Variants in ZNF680 observed in about 807,000 individuals in gnomAD.
ZNF680 encodes the protein hypothetical protein FLJ90430.
Under a neutral mutation model 12.1 loss-of-function variants are expected in ZNF680, and 6 were observed. That is an observed-to-expected ratio of 0.49 (90% CI 0.27 to 0.98). The LOEUF (loss-of-function observed/expected upper bound fraction) is 0.98, where lower values mean the gene tolerates loss of function less well. Ranked by LOEUF, ZNF680 falls within the 50% of genes least tolerant of loss-of-function variation. ZNF680 has a pLI of 0.12. For missense variants in ZNF680, 561 were observed against 616.3 expected, an observed-to-expected ratio of 0.91 and a Z score of 0.95; for synonymous variants, 170 against 199.3, an observed-to-expected ratio of 0.85 and a Z score of 1.24.
the ZNF680 span, among the ~76,000 whole-genome samples, chr7:64,500,500 G>A: frequency 1.3e-5 from 2 of 152,216 alleles, no homozygotes; most frequent in African/African-American, 4.8e-5. Flanking sequence ...CAACATTGAT[G>A]AACCTGGAGG....
chr7:64,525,653 TA>T, intron 3 of ZNF680: 3 of 562,220 alleles, frequency 5.3e-6, no homozygotes, highest in Non-Finnish European at 6.8e-6. Flanking sequence ...AATAAACATT[TA>T]AAAATATTCT....
chr7:64,500,953 T>C, the ZNF680 span: 6 of 649,934 alleles, frequency 9.2e-6, no homozygotes, highest in South Asian at 7.3e-5. Flanking sequence ...GCAGCAAAAT[T>C]GTGGGTTGCT....
downstream of ZNF680, chr7:64,519,738 T>C (rs541523307): frequency 7.2e-5 from 11 of 151,922 alleles, no homozygotes; most frequent in African/African-American, 2.4e-4. Flanking sequence ...AGCATATTAG[T>C]TGAAATAAGC....
At chr7:64,539,329 C>A (rs1323284899) in intron 3 of ZNF680, among the ~76,000 whole-genome samples, 52 of 63,024 alleles carry the variant, frequency 8.3e-4, no homozygotes, top group African/African-American at 3.2e-3. Flanking sequence ...CCAGCCTGGG[C>A]AACAAGAGCA....
the ZNF680 span, among the ~76,000 whole-genome samples, chr7:64,510,045 CTT>C: frequency 1.6e-5 from 2 of 125,626 alleles, no homozygotes; most frequent in Non-Finnish European, 3.4e-5. Context: ...AAAAAAAAGA[CTT>C]ATATTCTCTT....
In ZNF680 at chr7:64,522,500, A is replaced by ATCTCTAAT; in HGVS notation, c.254-1_254insATTAGAGA (p.Val85AspfsTer2). 1 of 1,458,264 alleles carries ATCTCTAAT rather than the reference A, an allele frequency of 6.9e-7. No homozygotes were observed. The highest frequency in any genetic ancestry group is 2.4e-5 in the Admixed American group (1 of 42,534). 90.3% of individuals were successfully genotyped at this position (1,458,264 alleles called of 1,614,324 possible). ...GTCTTCAGTGAAATGAGAATATATA[A>ATCTCTAAT]CTGAAAGACATAAAAGTAACAAATT... On this transcript the variant is annotated stop_gained and frameshift_variant and splice_region_variant. Transcript: ENST00000309683. LOFTEE classifies it high-confidence loss of function.
In ZNF680 at chr7:64,527,238, CAAAT is replaced by C. The variant is rs575866645; in HGVS notation, c.254-4742_254-4739del. 1.8e-3 allele frequency among the ~76,000 whole-genome samples: 272 copies of C among 151,584 alleles called. 1 individual carries two copies. Among genetic ancestry groups the C allele is most frequent in the Non-Finnish European group, 3.1e-3 (211 of 67,908 alleles). On this transcript the variant is annotated intron_variant, in intron 3 of 3. Coordinates refer to ENST00000309683, the MANE Select transcript of ZNF680 (RefSeq NM_178558.5). ...GGGCAATAAGAGCAAGATTCTGTCT[CAAAT>C]AAATAAATAAATAAATAAACAAACA... is the stretch of plus-strand genomic sequence containing the variant.
chr7:64,527,838 G>A (rs1310837042), intron 3 of ZNF680, among the ~76,000 whole-genome samples: 4 of 152,206 alleles, frequency 2.6e-5, no homozygotes, highest in Non-Finnish European at 5.9e-5. Context: ...GGCGAACAAA[G>A]CAGTGTGTGA....
At chr7:64,557,283 G>A (rs1430337693) in intron 1 of ZNF680, among the ~76,000 whole-genome samples, 4 of 149,640 alleles carry the variant, frequency 2.7e-5, no homozygotes, top group African/African-American at 7.4e-5. Context: ...AAGGCCAGGC[G>A]CAGTGGTTCA....
chr7:64,537,169 T>C (rs1424065677), intron 3 of ZNF680, among the ~76,000 whole-genome samples: 1 of 152,032 alleles, frequency 6.6e-6, no homozygotes, highest in African/African-American at 2.4e-5. Flanking sequence ...AACGTAAAAT[T>C]GGCAAATCCA....
chr7:64,562,104 C>T (rs1407938393), intron 1 of ZNF680, among the ~76,000 whole-genome samples: 1 of 151,112 alleles, frequency 6.6e-6, no homozygotes, highest in Non-Finnish European at 1.5e-5. Context: ...TGGTGGCGGG[C>T]GCCTGTAATC....
chr7:64,508,802 C>G, the ZNF680 span, among the ~76,000 whole-genome samples: 1 of 152,156 alleles, frequency 6.6e-6, no homozygotes, highest in Admixed American at 6.6e-5. Flanking sequence ...TGCCTCCTAT[C>G]CCTTCTTTGT....
chr7:64,551,779 A>G (rs1167742371), intron 1 of ZNF680: 6 of 153,620 alleles, frequency 3.9e-5, no homozygotes. Context: ...CAGTCTCAGA[A>G]AGATTATACC....
At chr7:64,504,014 C>T in the ZNF680 span, among the ~76,000 whole-genome samples, 1 of 152,094 alleles carries the variant, frequency 6.6e-6, no homozygotes, top group African/African-American at 2.4e-5. Context: ...ACTTTTATTT[C>T]TATTGAGCTC....
rs779682068 is a variant in ZNF680 at position 64,521,366 on chromosome 7, T to G, written c.1388A>C (p.Lys463Thr). 2 of 1,613,590 alleles carry G rather than the reference T, an allele frequency of 1.2e-6. No individual in the cohort carries two copies. The highest frequency in any genetic ancestry group is 1.7e-5 in the Admixed American group (1 of 59,980). The change falls in exon 4 of 4, where the codon AAA becomes ACA. Residue 463 changes from lysine (K) to threonine (T), a missense_variant. By Grantham distance (78) the Lys-to-Thr change is moderately conservative. Coordinates refer to ENST00000309683, the MANE Select transcript of ZNF680 (RefSeq NM_178558.5). ...AAAAACATTGCCACATTCATCACAT[T>G]TGTAGGATTTCTCTCCAGTATGAAT... ...KVIHTGEKSY[K>T]CDECGNVFNW...
downstream of ZNF680, among the ~76,000 whole-genome samples, chr7:64,518,235 T>C (rs1791393258): frequency 6.6e-6 from 1 of 152,032 alleles, no homozygotes; most frequent in Admixed American, 6.6e-5. Flanking sequence ...AATTTCTAGA[T>C]ACAAAATTTA....
At chr7:64,547,347 C>T (rs1336813786) in intron 1 of ZNF680, among the ~76,000 whole-genome samples, 3 of 152,192 alleles carry the variant, frequency 2.0e-5, no homozygotes, top group Non-Finnish European at 4.4e-5. Flanking sequence ...CAATCTCCAT[C>T]CTCAAGTATC....
chr7:64,560,288 ATT>A (rs1787662847), intron 1 of ZNF680, among the ~76,000 whole-genome samples: 1 of 151,856 alleles, frequency 6.6e-6, no homozygotes, highest in Non-Finnish European at 1.5e-5. Context: ...TAATTTTTGT[ATT>A]TTTAGTAGCG....
chr7:64,534,962 T>C lies in ZNF680; in HGVS notation c.253+8745A>G, dbSNP rs542487072. ...ATATGTGGGAGCTAAGCTATGAGGATGCAAAGGCATAAGAACGATACAATA... is the reference window on the plus strand; with the variant it reads ...ATATGTGGGAGCTAAGCTATGAGGACGCAAAGGCATAAGAACGATACAATA... On this transcript the variant is annotated intron_variant, in intron 3 of 3. Coordinates refer to ENST00000309683, the MANE Select transcript of ZNF680 (RefSeq NM_178558.5). Among the ~76,000 whole-genome samples, 308 of 124,762 alleles carry C rather than the reference T, an allele frequency of 2.5e-3. 3 individuals carry two copies. The highest frequency in any genetic ancestry group is 9.0e-3 in the African/African-American group (295 of 32,608). 81.8% of individuals were successfully genotyped at this position (124,762 alleles called of 152,430 possible).
Sources: allele counts gnomAD v4.1 joint callset (sites outside exome capture counted in the v4.1 genomes callset), GRCh38; gene constraint gnomAD v4.1.1; transcripts MANE v1.5; gene names NCBI Gene and HGNC (gene_info 2026-07-23, HGNC 2026-07-21).